Variants in LPP observed in about 807,000 individuals in gnomAD.
LPP encodes the protein lipoma-preferred partner.
A neutral mutation model predicts 60.4 loss-of-function variants in LPP; 38 were observed. The observed-to-expected ratio is 0.63, with a 90% CI of 0.49 to 0.83. The LOEUF (loss-of-function observed/expected upper bound fraction) is 0.83, where lower values mean the gene tolerates loss of function less well. LPP is among the 40% of genes least tolerant of loss of function. The pLI, the probability that LPP is intolerant of heterozygous loss-of-function variation, is 0.00. For missense variants in LPP, 902 were observed against 783.6 expected (o/e 1.15, Z -1.80); for synonymous variants, 328 against 290.8 (o/e 1.13, Z -1.30).
At chr3:188,285,230 AATAAAG>A (rs757686632) in intron 2 of LPP, among the ~76,000 whole-genome samples, 4 of 152,202 alleles carry the variant, frequency 2.6e-5, no homozygotes, top group Admixed American at 6.5e-5. Context: ...GTCGTAGGAT[AATAAAG>A]ATAAAGGGGT....
chr3:188,459,843 G>A lies in LPP; in HGVS notation c.194-24749G>A, dbSNP rs1002784432. 1.9e-4 allele frequency among the ~76,000 whole-genome samples: 29 copies of A among 152,010 alleles called. 1 individual carries two copies. The highest frequency in any genetic ancestry group is 7.0e-4 in the African/African-American group (29 of 41,394). ...GCAATCTATATTGATTATTCATGGGGGGGGGTTCTTTGTTCTGAGATCAGG... is the reference window on the plus strand; with the variant it reads ...GCAATCTATATTGATTATTCATGGGAGGGGGTTCTTTGTTCTGAGATCAGG... On this transcript the variant is annotated intron_variant, in intron 4 of 11. Transcript: ENST00000617246.
At chr3:188,858,862 G>A (rs1578013785) in intron 9 of LPP, among the ~76,000 whole-genome samples, 1 of 152,124 alleles carries the variant, frequency 6.6e-6, no homozygotes, top group South Asian at 2.1e-4. Context: ...GGCCGAGGTG[G>A]GCGGATCACC....
At chr3:188,755,468 A>G (rs1381407633) in intron 8 of LPP, among the ~76,000 whole-genome samples, 1 of 152,130 alleles carries the variant, frequency 6.6e-6, no homozygotes, top group Non-Finnish European at 1.5e-5. Flanking sequence ...TTATTTTGCC[A>G]TCATGAAAGA....
intron 4 of LPP, among the ~76,000 whole-genome samples, chr3:188,474,132 T>C (rs980394811): frequency 3.9e-5 from 6 of 152,242 alleles, no homozygotes; most frequent in African/African-American, 1.4e-4. Flanking sequence ...TCTCAAGAGT[T>C]CTATTCAATT....
intron 4 of LPP, among the ~76,000 whole-genome samples, chr3:188,450,382 C>T (rs1796304178): frequency 6.6e-6 from 1 of 152,158 alleles, no homozygotes; most frequent in African/African-American, 2.4e-5. Context: ...TATTGCTGTA[C>T]TATTGCTCAT....
intron 8 of LPP, among the ~76,000 whole-genome samples, chr3:188,743,149 T>G (rs1275134899): frequency 6.6e-6 from 1 of 152,196 alleles, no homozygotes; most frequent in African/African-American, 2.4e-5. Flanking sequence ...GAGGGAAATA[T>G]CTTTATAGAA....
At chr3:188,198,776 C>T (rs1387448659) in intron 1 of LPP, among the ~76,000 whole-genome samples, 3 of 152,166 alleles carry the variant, frequency 2.0e-5, no homozygotes, top group African/African-American at 7.2e-5. Context: ...CCACTGACAA[C>T]CCTAGAGAAA....
At chr3:188,433,999 G>A (rs977581890) in intron 4 of LPP, among the ~76,000 whole-genome samples, 21 of 152,234 alleles carry the variant, frequency 1.4e-4, no homozygotes, top group African/African-American at 4.6e-4. Context: ...TAACTTCATC[G>A]TGTCCCATGT....
chr3:188,845,640 T>C (rs1231009630), intron 9 of LPP, among the ~76,000 whole-genome samples: 1 of 152,182 alleles, frequency 6.6e-6, no homozygotes, highest in Admixed American at 6.5e-5. Flanking sequence ...CTGGTATATA[T>C]GCTGTGTACC....
chr3:188,190,055 ATTTT>A (rs36073619), intron 1 of LPP, among the ~76,000 whole-genome samples: 1 of 131,058 alleles, frequency 7.6e-6, no homozygotes, highest in Non-Finnish European at 1.7e-5. Flanking sequence ...CATTCTGTGG[ATTTT>A]TTTTTTTTTT....
chr3:188,858,305 G>A (rs1764316321), intron 9 of LPP, among the ~76,000 whole-genome samples: 1 of 152,136 alleles, frequency 6.6e-6, no homozygotes, highest in Admixed American at 6.5e-5. Flanking sequence ...TGGCATGAGG[G>A]TCTGACCCAC....
intron 3 of LPP, 100 bp downstream of exon 3, chr3:188,341,819 A>G (rs538139989): frequency 5.8e-6 from 2 of 346,044 alleles, no homozygotes; most frequent in African/African-American, 4.5e-5. Flanking sequence ...AAGAAATACA[A>G]AGTACTTTAT....
chr3:188,431,745 AT>A (rs1260875550), intron 4 of LPP, among the ~76,000 whole-genome samples: 2 of 152,194 alleles, frequency 1.3e-5, no homozygotes, highest in African/African-American at 4.8e-5. Flanking sequence ...TGATTGAACA[AT>A]ATTGTTTCTT....
At chr3:188,330,859 GTAAATAAATAAA>G (rs57059911) in intron 2 of LPP, among the ~76,000 whole-genome samples, 17,905 of 149,442 alleles carry the variant, frequency 0.12, 1,762 homozygotes, top group East Asian at 0.31. Flanking sequence ...AAGTAAGTAA[GTAAATAAATAAA>G]TAAATAAATA....
chr3:188,413,757 A>G (rs1049061276), intron 4 of LPP, among the ~76,000 whole-genome samples: 7 of 152,154 alleles, frequency 4.6e-5, no homozygotes, highest in Admixed American at 3.9e-4. Context: ...TTGATGCTCA[A>G]AAGTGCCAAG....
chr3:188,838,034 A>G (rs1758927553), intron 9 of LPP, among the ~76,000 whole-genome samples: 1 of 152,132 alleles, frequency 6.6e-6, no homozygotes, highest in Non-Finnish European at 1.5e-5. Context: ...TAAAAAGCCT[A>G]TCTCTAGTGG....
intron 9 of LPP, among the ~76,000 whole-genome samples, chr3:188,833,222 T>C (rs1236400725): frequency 6.6e-6 from 1 of 152,216 alleles, no homozygotes; most frequent in Non-Finnish European, 1.5e-5. Flanking sequence ...AAACTGCTGA[T>C]GCAGAGATAA....
intron 5 of LPP, among the ~76,000 whole-genome samples, chr3:188,495,131 T>C (rs1191979880): frequency 2.2e-5 from 3 of 135,318 alleles, no homozygotes; most frequent in Non-Finnish European, 3.1e-5. Flanking sequence ...ATTTATATTT[T>C]ATTATATATT....
intron 1 of LPP, among the ~76,000 whole-genome samples, chr3:188,214,773 G>T (rs1712840691): frequency 6.6e-6 from 1 of 152,112 alleles, no homozygotes; most frequent in Non-Finnish European, 1.5e-5. Context: ...TTTTTCTGTG[G>T]TGCTGAGGGA....
Sources: allele counts gnomAD v4.1 joint callset (sites outside exome capture counted in the v4.1 genomes callset), GRCh38; gene constraint gnomAD v4.1.1; transcripts MANE v1.5; gene names NCBI Gene and HGNC (gene_info 2026-07-23, HGNC 2026-07-21).